The following PTPRN2 variants were observed in gnomAD, a reference collection of about 807,000 sequenced individuals.
PTPRN2 encodes receptor-type tyrosine-protein phosphatase N2.
Under a neutral mutation model 118.8 loss-of-function variants are expected in PTPRN2, and 74 were observed. That is an observed-to-expected ratio of 0.62 (90% CI 0.52 to 0.76). The LOEUF (loss-of-function observed/expected upper bound fraction) is 0.76. PTPRN2 is among the 30% of genes least tolerant of loss of function. PTPRN2 has a pLI of 0.00. For missense variants in PTPRN2, 1,481 were observed against 1,394.4 expected, an observed-to-expected ratio of 1.06 and a Z score of -0.99; for synonymous variants, 641 against 608.0, an observed-to-expected ratio of 1.05 and a Z score of -0.80.
At chr7:158,452,215 A>G (rs527667265) in intron 2 of PTPRN2, among the ~76,000 whole-genome samples, 2 of 152,184 alleles carry the variant, frequency 1.3e-5, no homozygotes, top group South Asian at 4.2e-4. Context: ...TTTCTTTTTC[A>G]TAACTTTTCT....
intron 1 of PTPRN2, chr7:158,541,546 T>C: frequency 7.4e-7 from 1 of 1,352,092 alleles, no homozygotes; most frequent in Non-Finnish European, 9.8e-7. Flanking sequence ...ACACAGAACA[T>C]CTTCATAGTA....
intron 11 of PTPRN2, among the ~76,000 whole-genome samples, 188 bp from the exon 12 acceptor site, chr7:157,898,925 G>A (rs1797286496): frequency 6.6e-6 from 1 of 152,210 alleles, no homozygotes; most frequent in African/African-American, 2.4e-5. Flanking sequence ...CACTGACCCA[G>A]TGTGCGTCCA....
At chr7:158,031,092 A>T (rs1429015390) in intron 11 of PTPRN2, 1 of 152,284 alleles carries the variant, frequency 6.6e-6, no homozygotes, top group Non-Finnish European at 1.5e-5. Context: ...TTGACAAACC[A>T]GGGACAAGAA....
intron 2 of PTPRN2, among the ~76,000 whole-genome samples, chr7:158,323,015 G>C (rs1220303334): frequency 6.6e-6 from 1 of 152,252 alleles, no homozygotes; most frequent in East Asian, 1.9e-4. Context: ...GCCGGCAGCA[G>C]CAACCAGGCC....
chr7:157,694,165 C>T (rs1278306431), intron 12 of PTPRN2, among the ~76,000 whole-genome samples: 11 of 152,210 alleles, frequency 7.2e-5, no homozygotes. Flanking sequence ...ATCAAAGCAC[C>T]GCATTCCTGA....
chr7:158,186,373 C>T (rs1563573815), intron 5 of PTPRN2, among the ~76,000 whole-genome samples: 3 of 152,010 alleles, frequency 2.0e-5, no homozygotes, highest in Non-Finnish European at 2.9e-5. Context: ...AGATTTCTCC[C>T]GGGGGCTCAC....
chr7:157,747,632 G>A (rs1316387722), intron 12 of PTPRN2, among the ~76,000 whole-genome samples: 1 of 129,610 alleles, frequency 7.7e-6, no homozygotes, highest in African/African-American at 2.9e-5. Context: ...CTGAGCTGTG[G>A]GGTGTGCGGG....
At chr7:157,672,037 A>T (rs1292593522) in intron 13 of PTPRN2, among the ~76,000 whole-genome samples, 5 of 151,996 alleles carry the variant, frequency 3.3e-5, no homozygotes, top group Middle Eastern at 3.4e-3. Flanking sequence ...AACTTTGCAG[A>T]GGGTGCTGGG....
rs369472557 is a variant in PTPRN2, at chr7:158,204,395, C to G, written c.380+776G>C. On this transcript the variant is annotated intron_variant, in intron 4 of 22. Transcript: ENST00000389418. ...CTGCCAGGACACTTAACTGCTTTCCCTATCAGATGGCCATGAGCATGAAAG... is the reference window on the plus strand; with the variant it reads ...CTGCCAGGACACTTAACTGCTTTCCGTATCAGATGGCCATGAGCATGAAAG... Among the ~76,000 whole-genome samples the G allele has an allele frequency of 1.6e-4, 25 of 152,350 alleles. No individual in the cohort carries two copies. In the East Asian group the frequency reaches 2.7e-3, roughly 16 times the overall value.
intron 11 of PTPRN2, among the ~76,000 whole-genome samples, chr7:157,994,513 G>GCCGTGTCCC (rs1678766396): frequency 8.1e-6 from 1 of 122,962 alleles, no homozygotes; most frequent in African/African-American, 3.7e-5. Context: ...CCTAAAATCA[G>GCCGTGTCCC]CACCGCATCC....
Position 157,898,745 on chromosome 7 carries a change from G to A in PTPRN2, c.1724-8C>T, listed in dbSNP as rs369164988. 2.5e-5 allele frequency: 40 copies of A among 1,592,576 alleles called. No individual in the cohort carries two copies. The highest frequency in any genetic ancestry group is 3.3e-5 in the Non-Finnish European group (38 of 1,160,474). On this transcript the variant is annotated splice_polypyrimidine_tract_variant and splice_region_variant and intron_variant, in intron 11 of 22. Transcript: ENST00000389418. ...GTTTGTCTTTGTTGTCAACTGTTAG[G>A]AAAAATCAGAAAGCACAAGAGTCAG... is the stretch of plus-strand genomic sequence containing the variant.
In PTPRN2 at chr7:157,874,689, A is replaced by T. The variant is rs763136374; in HGVS notation, c.1788+23984T>A. ...GCAGGGGTTTGCTTGCAGGTAGCAAAGTAACCCAAGCAGACACACACTCAT... is the reference window on the plus strand; with the variant it reads ...GCAGGGGTTTGCTTGCAGGTAGCAATGTAACCCAAGCAGACACACACTCAT... On this transcript the variant is annotated intron_variant, in intron 12 of 22. Coordinates refer to ENST00000389418, the MANE Select transcript of PTPRN2 (RefSeq NM_002847.5). This position sits in a 1 kb window ranked among gnomAD's most constrained non-coding sequence, Gnocchi z 5.8. 2.0e-5 allele frequency among the ~76,000 whole-genome samples: 3 copies of T among 152,212 alleles called. No homozygotes were observed. The highest frequency in any genetic ancestry group is 2.9e-5 in the Non-Finnish European group (2 of 68,044).
chr7:157,770,170 C>T (rs921370212), intron 12 of PTPRN2, among the ~76,000 whole-genome samples: 8 of 152,218 alleles, frequency 5.3e-5, no homozygotes, highest in Non-Finnish European at 1.2e-4. Context: ...ACCCTTAATT[C>T]TATTTGTTTA....
chr7:157,933,272 T>G lies in PTPRN2; in HGVS notation c.1724-34535A>C, dbSNP rs562292203. 1.1e-4 allele frequency among the ~76,000 whole-genome samples: 16 copies of G among 143,140 alleles called. No individual in the cohort carries two copies. In the South Asian group the frequency reaches 3.2e-3, roughly 29 times the overall value. 93.9% of individuals were successfully genotyped at this position (143,140 alleles called of 152,430 possible). ...GGGGTGAGTCACTCATTGACAGTTT[T>G]AGAGGAGGGGTGAGTCACTCTGATT... On this transcript the variant is annotated intron_variant, in intron 11 of 22. Transcript: ENST00000389418.
At chr7:157,644,794 T>A (rs1172114762) in intron 14 of PTPRN2, among the ~76,000 whole-genome samples, 3 of 112,616 alleles carry the variant, frequency 2.7e-5, no homozygotes, top group Admixed American at 1.0e-4. Flanking sequence ...AAACTCCATC[T>A]CAAAAAACAA....
At chr7:158,087,389 C>T (rs1052607557) in intron 10 of PTPRN2, among the ~76,000 whole-genome samples, 6 of 151,968 alleles carry the variant, frequency 3.9e-5, no homozygotes, top group Non-Finnish European at 8.8e-5. Flanking sequence ...AGTGTCGTCC[C>T]GATGGTCGTG....
chr7:158,562,510 G>A (rs1002190667), intron 1 of PTPRN2, among the ~76,000 whole-genome samples: 5 of 152,126 alleles, frequency 3.3e-5, no homozygotes, highest in African/African-American at 7.2e-5. Flanking sequence ...AATCAACTGC[G>A]GCAACAGCAG....
chr7:158,498,039 C>G (rs574562482), intron 1 of PTPRN2, among the ~76,000 whole-genome samples: 1 of 152,358 alleles, frequency 6.6e-6, no homozygotes, highest in South Asian at 2.1e-4. Context: ...CTGGTCAGTC[C>G]GCTCCATCAC....
intron 1 of PTPRN2, among the ~76,000 whole-genome samples, chr7:158,491,509 G>T (rs543623833): frequency 2.3e-4 from 34 of 149,712 alleles, no homozygotes; most frequent in Admixed American, 1.6e-3. Flanking sequence ...TTTTTTTTTT[G>T]ATGGAGTCTT....
Sources: allele counts gnomAD v4.1 joint callset (sites outside exome capture counted in the v4.1 genomes callset), GRCh38; gene constraint gnomAD v4.1.1; non-coding constraint Gnocchi (gnomAD v3.1); transcripts MANE v1.5; gene names NCBI Gene and HGNC (gene_info 2026-07-23, HGNC 2026-07-21).